Variants in NBPF20 observed in about 807,000 individuals in gnomAD.
The protein encoded by NBPF20 is NBPF family member NBPF20.
In NBPF20, 90 loss-of-function variants were observed where a neutral mutation model predicts 68.1. The ratio of observed to expected loss-of-function variants is 1.32; its 90% confidence interval spans 1.11 to 1.58. The LOEUF (loss-of-function observed/expected upper bound fraction) is 1.58, where lower values mean the gene tolerates loss of function less well. Among genes scored for constraint, NBPF20 ranks in the 40% most tolerant of loss-of-function variants. The probability of loss-of-function intolerance (pLI) is 0.00; values close to 1 mark genes in which losing one functional copy is unlikely to be tolerated. For missense variants in NBPF20, 816 were observed against 601.2 expected, an observed-to-expected ratio of 1.36 and a Z score of -3.74; for synonymous variants, 290 against 228.1, an observed-to-expected ratio of 1.27 and a Z score of -2.45.
the NBPF20 span, among the ~76,000 whole-genome samples, chr1:145,412,618 T>C: frequency 6.6e-6 from 1 of 150,940 alleles, no homozygotes; most frequent in African/African-American, 2.4e-5. Context: ...GACATCATCA[T>C]TTAAAGTGAT....
Position 145,378,032 on chromosome 1 carries a change from C to T in NBPF20, c.3464+11G>A. 1 of 440,258 alleles carries T rather than the reference C, an allele frequency of 2.3e-6. No individual in the cohort carries two copies. Among genetic ancestry groups the T allele is most frequent in the Non-Finnish European group, 3.9e-6 (1 of 254,792 alleles). The allele number at this position is 440,258 out of a possible 1,614,324, so 27.3% of individuals were successfully genotyped here. ...ACACAGAATTAAGCATCCATAATTG[C>T]TCAAAGTTACCTGGGGCATGATGGG... On this transcript the variant is annotated intron_variant, in intron 29 of 137. Coordinates refer to ENST00000369373, the Ensembl canonical transcript of NBPF20.
chr1:145,419,833 C>G, the NBPF20 span, among the ~76,000 whole-genome samples: 2 of 152,142 alleles, frequency 1.3e-5, no homozygotes, highest in Non-Finnish European at 2.9e-5. Context: ...CCCATGAATG[C>G]TCAGTGAAAG....
exon 9 of NBPF20, chr1:145,393,887 G>T (rs1662072902): frequency 1.9e-6 from 3 of 1,544,934 alleles, no homozygotes; most frequent in Non-Finnish European, 2.7e-6. Context: ...GACTCACCTG[G>T]GACCTGTTGC....
the NBPF20 span, among the ~76,000 whole-genome samples, chr1:145,425,598 C>G: frequency 1.3e-5 from 2 of 152,304 alleles, no homozygotes; most frequent in South Asian, 2.1e-4. Flanking sequence ...TCTCGCCGGG[C>G]GCGTCAAGAG....
intron 2 of NBPF20, among the ~76,000 whole-genome samples, chr1:145,403,835 A>T (rs1662639708): frequency 6.6e-6 from 1 of 151,952 alleles, no homozygotes; most frequent in Non-Finnish European, 1.5e-5. Flanking sequence ...TGAAGCATAA[A>T]GTGTGACACA....
chr1:145,292,451 T>C (rs782341541), exon 137 of NBPF20: 30 of 716,416 alleles, frequency 4.2e-5, no homozygotes, highest in Non-Finnish European at 6.7e-5. Flanking sequence ...TTTGATCTTC[T>C]TCCCCTTCTT....
chr1:145,311,859 G>C (rs1462073241), intron 112 of NBPF20, among the ~76,000 whole-genome samples: 2 of 111,164 alleles, frequency 1.8e-5, no homozygotes, highest in Non-Finnish European at 3.6e-5. Flanking sequence ...ACGGTAGCGA[G>C]GATTTTAGAT....
At chr1:145,407,904 G>A (rs1662874983), upstream of NBPF20, 1 of 157,874 alleles carries the variant, frequency 6.3e-6, no homozygotes, top group African/African-American at 2.4e-5. Flanking sequence ...TGGTGTCCTG[G>A]TTGGCAAAGA....
intron 7 of NBPF20, among the ~76,000 whole-genome samples, chr1:145,396,771 T>C (rs1371248988): frequency 2.1e-5 from 3 of 140,114 alleles, no homozygotes; most frequent in Non-Finnish European, 3.1e-5. Flanking sequence ...TATATATATA[T>C]ACAGATATAT....
chr1:145,423,962 T>C, the NBPF20 span, among the ~76,000 whole-genome samples: 1 of 150,162 alleles, frequency 6.7e-6, no homozygotes, highest in East Asian at 1.9e-4. Context: ...TTGGTAAAAA[T>C]TCATTACCTG....
At position 145,400,505 on chromosome 1, in the gene NBPF20, T is replaced by A. The variant is rs1309766140; in HGVS notation, c.656A>T (p.Asp219Val). The A allele has an allele frequency of 3.7e-6, 6 of 1,612,780 alleles. No homozygotes were observed. In the African/African-American group the frequency reaches 4.0e-5, roughly 11 times the overall value. ...GGTTTTCCTATGTGGCTGGTTGGAG[T>A]CATAAGGGCCATGGCTATTTGAATA... The change falls in exon 6 of 138, where the codon GAC becomes GTC. Residue 219 changes from aspartate (D) to valine (V), a missense_variant. By Grantham distance (152) the Asp-to-Val change is radical (BLOSUM62 -3). Coordinates refer to ENST00000369373, the Ensembl canonical transcript of NBPF20.
intron 7 of NBPF20, among the ~76,000 whole-genome samples, chr1:145,398,781 T>C (rs1451644481): frequency 2.0e-5 from 3 of 151,636 alleles, no homozygotes; most frequent in Non-Finnish European, 4.4e-5. Flanking sequence ...GATCAATGAA[T>C]CCAGGGCTGG....
At position 145,291,745 on chromosome 1, in the gene NBPF20, C is replaced by T. The variant is rs377184242; in HGVS notation, c.16722G>A (p.Val5574=). The T allele has an allele frequency of 5.6e-6, 9 of 1,611,794 alleles. No individual in the cohort carries two copies. In the African/African-American group the frequency reaches 6.7e-5, roughly 12 times the overall value. ...AGTCCTGTAAGACTTCAGGCTCTTCCACTTCCATCAGCACGCCGTTGAGCC... is the reference window on the plus strand; with the variant it reads ...AGTCCTGTAAGACTTCAGGCTCTTCTACTTCCATCAGCACGCCGTTGAGCC... Residue 5574 remains valine (V), a synonymous_variant, in exon 138 of 138, where the codon GTG becomes GTA. Transcript: ENST00000369373.
chr1:145,403,431 A>C (rs1203811635), intron 2 of NBPF20, 113 bp from the exon 8 acceptor site: 4 of 783,076 alleles, frequency 5.1e-6, no homozygotes, highest in Admixed American at 4.2e-5. Flanking sequence ...CCCCAGTACC[A>C]GGGTCTAGAC....
intron 9 of NBPF20, 36 bp downstream of exon 14, chr1:145,393,848 A>G (rs1173022585): frequency 6.8e-6 from 10 of 1,475,088 alleles, no homozygotes; most frequent in Non-Finnish European, 8.4e-6. Context: ...CCAGGTGTCA[A>G]CATCAAATTA....
upstream of NBPF20, among the ~76,000 whole-genome samples, chr1:145,409,802 T>C (rs587686755): frequency 6.2e-4 from 94 of 151,948 alleles, 1 homozygote; most frequent in Admixed American, 1.4e-3. Context: ...TTTAGATGAA[T>C]GCACACTTCC....
chr1:145,394,178 A>T (rs1435436540), intron 8 of NBPF20, among the ~76,000 whole-genome samples: 2 of 152,258 alleles, frequency 1.3e-5, no homozygotes, highest in Non-Finnish European at 2.9e-5. Flanking sequence ...GCTCTGTCCT[A>T]GGCTTCTGTA....
At chr1:145,393,783 G>T (rs1239276234) in intron 9 of NBPF20, 101 bp downstream of exon 14, 2 of 1,418,398 alleles carry the variant, frequency 1.4e-6, no homozygotes, top group African/African-American at 2.8e-5. Context: ...AGACTTGTCT[G>T]ACAAGACAAA....
At chr1:145,417,312 T>C in the NBPF20 span, among the ~76,000 whole-genome samples, 1 of 150,804 alleles carries the variant, frequency 6.6e-6, no homozygotes, top group East Asian at 1.9e-4. Context: ...ATACCCTTTA[T>C]AAAATAAATC....
Sources: allele counts gnomAD v4.1 joint callset (sites outside exome capture counted in the v4.1 genomes callset), GRCh38; gene constraint gnomAD v4.1.1; transcripts MANE v1.5; gene names NCBI Gene and HGNC (gene_info 2026-07-23, HGNC 2026-07-21).